Variants in RB1CC1 observed in about 807,000 individuals in gnomAD.
RB1CC1 encodes the protein RB1 inducible coiled-coil 1.
A neutral mutation model predicts 177.5 loss-of-function variants in RB1CC1; 46 were observed. That is an observed-to-expected ratio of 0.26 (90% CI 0.20 to 0.33). The LOEUF is 0.33. RB1CC1 is among the 10% of genes least tolerant of loss of function. The pLI is 1.00. For synonymous variants in RB1CC1, 666 were observed against 613.6 expected, an observed-to-expected ratio of 1.09 and a Z score of -1.26; for missense variants, 1,703 against 1,816.3, an observed-to-expected ratio of 0.94 and a Z score of 1.13.
intron 5 of RB1CC1, among the ~76,000 whole-genome samples, chr8:52,681,900 A>T (rs1853773958): frequency 6.6e-6 from 1 of 152,184 alleles, no homozygotes; most frequent in African/African-American, 2.4e-5. Context: ...CCTCATGGAG[A>T]ACCTGTTAGG....
intron 15 of RB1CC1, among the ~76,000 whole-genome samples, chr8:52,651,716 G>C (rs1850602135): frequency 6.6e-6 from 1 of 152,032 alleles, no homozygotes; most frequent in Non-Finnish European, 1.5e-5. Context: ...AAAGTGGGGA[G>C]GAAAAAGGGG....
chr8:52,659,765 A>T (rs755561025), intron 12 of RB1CC1, among the ~76,000 whole-genome samples: 2 of 152,232 alleles, frequency 1.3e-5, no homozygotes, highest in Non-Finnish European at 2.9e-5. Flanking sequence ...TGGGAGGCCA[A>T]GGTGGGCAGA....
chr8:52,629,494 T>G (rs1320847891), intron 21 of RB1CC1, among the ~76,000 whole-genome samples: 1 of 152,180 alleles, frequency 6.6e-6, no homozygotes, highest in African/African-American at 2.4e-5. Flanking sequence ...AACTTCCTCC[T>G]CTAGGCCAGT....
At chr8:52,683,052 A>G (rs187041696) in intron 5 of RB1CC1, among the ~76,000 whole-genome samples, 20 of 152,214 alleles carry the variant, frequency 1.3e-4, no homozygotes, top group Non-Finnish European at 2.8e-4. Flanking sequence ...CTTAATGTCA[A>G]TGATATTACT....
Position 52,660,919 on chromosome 8 carries a change from C to T in RB1CC1, c.1627+7G>A, listed in dbSNP as rs1240753461. 7.5e-6 allele frequency: 12 copies of T among 1,593,632 alleles called. No homozygotes were observed. The East Asian group carries it at 1.1e-4, about 15-fold the overall frequency. On this transcript the variant is annotated splice_region_variant and intron_variant, in intron 11 of 23. Coordinates refer to ENST00000025008, the MANE Select transcript of RB1CC1 (RefSeq NM_014781.5). Reference sequence around the variant, plus strand: ...AAAAGTAATTAAAATTATTAATGAACACTTACTAAATAATTTCCCAAAGGA... The same window carrying T: ...AAAAGTAATTAAAATTATTAATGAATACTTACTAAATAATTTCCCAAAGGA...
intron 5 of RB1CC1, 63 bp downstream of exon 5, chr8:52,683,486 C>T: frequency 1.5e-6 from 2 of 1,358,110 alleles, no homozygotes; most frequent in Non-Finnish European, 1.9e-6. Flanking sequence ...ATTTAGACTA[C>T]TGTGCTATTT....
intron 18 of RB1CC1, among the ~76,000 whole-genome samples, chr8:52,639,129 TAATAGATTA>T (rs765658310): frequency 1.5e-4 from 22 of 145,102 alleles, no homozygotes; most frequent in Non-Finnish European, 2.9e-4. Flanking sequence ...TTTAATTGAG[TAATAGATTA>T]AATCACTGAA....
At chr8:52,667,701 C>G (rs1348478491) in intron 8 of RB1CC1, among the ~76,000 whole-genome samples, 1 of 152,144 alleles carries the variant, frequency 6.6e-6, no homozygotes, top group East Asian at 1.9e-4. Flanking sequence ...AATTTCATTT[C>G]TTATCCTTCG....
Position 52,658,107 on chromosome 8 carries a change from T to G in RB1CC1, c.1811A>C (p.Asp604Ala). Reference protein sequence around the residue: ...QPFLRVPLLCDFEPLHQHVLA... With the variant: ...QPFLRVPLLCAFEPLHQHVLA... ...TACATGCTGGTGTAGAGGTTCAAAG[T>G]CACAAAGTAAGGGAACCCTGAAACA... Residue 604 changes from aspartate to alanine, a missense_variant, in exon 14 of 24, where the codon GAC becomes GCC. Physicochemically the swap from Asp to Ala is moderately radical, Grantham distance 126. This residue lies in a region of RB1CC1 where 1,169 missense variants were observed against 1,184.7 expected (regional missense o/e 0.99). Transcript: ENST00000025008. 6.2e-7 allele frequency: 1 copy of G among 1,612,358 alleles called. No individual in the cohort carries two copies. Among genetic ancestry groups the G allele is most frequent in the Non-Finnish European group, 8.5e-7 (1 of 1,179,610 alleles).
chr8:52,667,985 A>G (rs375127765), intron 8 of RB1CC1, 36 bp downstream of exon 8: 1 of 1,578,962 alleles, frequency 6.3e-7, no homozygotes, highest in African/African-American at 1.4e-5. Context: ...AAAAAACTAT[A>G]AATTCCTTTT....
At chr8:52,684,886 T>C (rs1327994208) in intron 3 of RB1CC1, among the ~76,000 whole-genome samples, 1 of 152,170 alleles carries the variant, frequency 6.6e-6, no homozygotes, top group Non-Finnish European at 1.5e-5. Context: ...GAATATTATA[T>C]TCATGCCAAC....
chr8:52,691,514 G>C (rs971956452), intron 1 of RB1CC1, among the ~76,000 whole-genome samples: 1 of 152,074 alleles, frequency 6.6e-6, no homozygotes, highest in African/African-American at 2.4e-5. Context: ...CCAGAACCTA[G>C]GTTAAAATTA....
At chr8:52,662,596 G>A (rs1484887533) in intron 8 of RB1CC1, among the ~76,000 whole-genome samples, 1 of 151,994 alleles carries the variant, frequency 6.6e-6, no homozygotes, top group East Asian at 1.9e-4. Context: ...TATTGATACT[G>A]TAAATAAATC....
In RB1CC1 at chr8:52,655,684, G is replaced by GA. The variant is rs1261098677; in HGVS notation, c.3821+323dup. ...AAGTAATTTTCTACTGAAGAGTTTA[G>GA]AAAAAAACTGCAAATAAATCAAGAG... On this transcript the variant is annotated intron_variant, in intron 15 of 23. Transcript: ENST00000025008. 5.3e-5 allele frequency among the ~76,000 whole-genome samples: 8 copies of GA among 151,752 alleles called. No individual in the cohort carries two copies. The South Asian group carries it at 1.0e-3, about 20-fold the overall frequency.
intron 19 of RB1CC1, 113 bp from the exon 20 acceptor site, chr8:52,635,081 G>A (rs968737061): frequency 2.3e-6 from 2 of 853,200 alleles, no homozygotes; most frequent in African/African-American, 1.8e-5. Flanking sequence ...GGTATGAAAA[G>A]TTGATGGGGA....
chr8:52,713,748 G>A (rs1196096033), intron 1 of RB1CC1, among the ~76,000 whole-genome samples: 1 of 152,212 alleles, frequency 6.6e-6, no homozygotes, highest in Non-Finnish European at 1.5e-5. Flanking sequence ...AAGCGGCAGC[G>A]CAGAGGGAGG....
In RB1CC1 at chr8:52,709,527, C is replaced by A. The variant is rs115933245; in HGVS notation, c.-167+4548G>T. On this transcript the variant is annotated intron_variant, in intron 1 of 23. Coordinates refer to ENST00000025008, the MANE Select transcript of RB1CC1 (RefSeq NM_014781.5). ...GCCGAGGTGGGTGGCTCACTTCAGG[C>A]CAGGAGTTCAAGACCAGCCTGGGAA... Among the ~76,000 whole-genome samples the A allele has an allele frequency of 8.1e-4, 123 of 152,168 alleles. 1 individual carries two copies. Among genetic ancestry groups the A allele is most frequent in the African/African-American group, 2.8e-3 (117 of 41,530 alleles).
chr8:52,690,275 A>G (rs1854706860), intron 1 of RB1CC1, among the ~76,000 whole-genome samples: 1 of 152,222 alleles, frequency 6.6e-6, no homozygotes, highest in African/African-American at 2.4e-5. Flanking sequence ...TAGCTAAGGG[A>G]TGCTGACTAA....
chr8:52,646,917 A>G (rs1850097559), intron 15 of RB1CC1, among the ~76,000 whole-genome samples: 1 of 152,214 alleles, frequency 6.6e-6, no homozygotes, highest in Admixed American at 6.5e-5. Flanking sequence ...AAACATGCTA[A>G]GCCTCAAAAA....
Sources: allele counts gnomAD v4.1 joint callset (sites outside exome capture counted in the v4.1 genomes callset), GRCh38; gene constraint gnomAD v4.1.1; regional missense constraint gnomAD v4.1.1; transcripts MANE v1.5; gene names NCBI Gene and HGNC (gene_info 2026-07-23, HGNC 2026-07-21).